The following KIAA0232 variants were observed in gnomAD, a reference collection of about 807,000 sequenced individuals.
KIAA0232 encodes the protein uncharacterized protein KIAA0232.
A neutral mutation model predicts 122.0 loss-of-function variants in KIAA0232; 27 were observed. The ratio of observed to expected loss-of-function variants is 0.22; its 90% CI spans 0.16 to 0.31. The LOEUF (loss-of-function observed/expected upper bound fraction) is 0.31, where lower values mean the gene tolerates loss of function less well. KIAA0232 is among the 10% of genes least tolerant of loss of function. KIAA0232 has a pLI of 1.00. For synonymous variants in KIAA0232, 613 were observed against 587.6 expected (o/e 1.04, Z -0.63); for missense variants, 1,551 against 1,634.2 (o/e 0.95, Z 0.88).
intron 7 of KIAA0232, 114 bp downstream of exon 7, chr4:6,864,297 G>A: frequency 8.6e-7 from 1 of 1,167,564 alleles, no homozygotes; most frequent in South Asian, 1.6e-5. Flanking sequence ...TAGCTTAAAT[G>A]TCTTAAAACT....
At chr4:6,821,678 A>T (rs546389193) in intron 2 of KIAA0232, among the ~76,000 whole-genome samples, 5 of 95,142 alleles carry the variant, frequency 5.3e-5, no homozygotes, top group African/African-American at 2.2e-4. Context: ...ACATATATAC[A>T]TGTATATATG....
At chr4:6,829,708 C>G (rs1482941176) in intron 3 of KIAA0232, among the ~76,000 whole-genome samples, 1 of 152,222 alleles carries the variant, frequency 6.6e-6, no homozygotes, top group Admixed American at 6.5e-5. Flanking sequence ...TCTTACAACA[C>G]ATTTGTTACA....
In KIAA0232 at chr4:6,840,904, T is replaced by A. The variant is rs545381706; in HGVS notation, c.232-1163T>A. Reference sequence around the variant, plus strand: ...AATATCTTGGTTCTTTTTATACTCATTTCTTTAAGCTGTGATTAACAATTC... The same window carrying A: ...AATATCTTGGTTCTTTTTATACTCAATTCTTTAAGCTGTGATTAACAATTC... On this transcript the variant is annotated intron_variant, in intron 3 of 9. Coordinates refer to ENST00000307659, the MANE Select transcript of KIAA0232 (RefSeq NM_014743.3). Among the ~76,000 whole-genome samples the A allele has an allele frequency of 6.5e-4, 99 of 152,274 alleles. 2 individuals carry two copies. In the South Asian group the frequency reaches 0.011, roughly 17 times the overall value.
chr4:6,838,948 G>A lies in KIAA0232; in HGVS notation c.232-3119G>A, dbSNP rs181858301. 5.9e-5 allele frequency among the ~76,000 whole-genome samples: 9 copies of A among 152,216 alleles called. No homozygotes were observed. In the East Asian group the frequency reaches 1.7e-3, roughly 29 times the overall value. ...GTTCAAGACCAGCCCAGCCAACATGGCAAAACCCCATCTCCACTAAAAATA... is the reference window on the plus strand; with the variant it reads ...GTTCAAGACCAGCCCAGCCAACATGACAAAACCCCATCTCCACTAAAAATA... On this transcript the variant is annotated intron_variant, in intron 3 of 9. Transcript: ENST00000307659.
chr4:6,880,522 T>G (rs549003811), intron 9 of KIAA0232, among the ~76,000 whole-genome samples: 4 of 152,266 alleles, frequency 2.6e-5, no homozygotes, highest in Non-Finnish European at 5.9e-5. Flanking sequence ...CTCAAAGACT[T>G]TGAAAATGAA....
rs1720975969 is a variant in KIAA0232, at chr4:6,863,216, A to G, written c.2834A>G (p.Glu945Gly). Reference protein sequence around the residue: ...GELKTFNSDGEWAVVPPSHTK... With the variant: ...GELKTFNSDGGWAVVPPSHTK... ...CTCAAAACCTTCAATAGTGATGGGG[A>G]GTGGGCAGTCGTACCACCTAGTCAC... is the stretch of plus-strand genomic sequence containing the variant. Residue 945 changes from glutamate (E) to glycine (G), a missense_variant, in exon 7 of 10, where the codon GAG becomes GGG. Around this residue, in one of 5 missense-constraint regions of KIAA0232, gnomAD observed 1,108 missense variants for 1,154.8 expected, o/e 0.96. Coordinates refer to ENST00000307659, the MANE Select transcript of KIAA0232 (RefSeq NM_014743.3). 1 of 1,613,912 alleles carries G rather than the reference A, an allele frequency of 6.2e-7. No homozygotes were observed. Among genetic ancestry groups the G allele is most frequent in the Non-Finnish European group, 8.5e-7 (1 of 1,180,034 alleles).
At chr4:6,802,879 TG>T (rs1288422513) in intron 1 of KIAA0232, among the ~76,000 whole-genome samples, 1 of 151,694 alleles carries the variant, frequency 6.6e-6, no homozygotes, top group East Asian at 1.9e-4. Flanking sequence ...TGCATATAGC[TG>T]GGGGCAGTGG....
intron 1 of KIAA0232, among the ~76,000 whole-genome samples, chr4:6,793,749 G>C (rs752424679): frequency 1.1e-4 from 17 of 152,188 alleles, no homozygotes; most frequent in Non-Finnish European, 2.1e-4. Context: ...GTTCTAATCT[G>C]TTAGGGCGTT....
At position 6,844,141 on chromosome 4, in the gene KIAA0232, C is replaced by T. The variant is rs550022869; in HGVS notation, c.369+1937C>T. On this transcript the variant is annotated intron_variant, in intron 4 of 9. Transcript: ENST00000307659. ...TTTTTTAGTAGTGATGGGGTATCACCGTGTTAGCCAGGATGGTCTCCATCT... is the reference window on the plus strand; with the variant it reads ...TTTTTTAGTAGTGATGGGGTATCACTGTGTTAGCCAGGATGGTCTCCATCT... 6.1e-4 allele frequency among the ~76,000 whole-genome samples: 92 copies of T among 151,582 alleles called. 1 individual carries two copies. The Middle Eastern group carries it at 0.01, about 17-fold the overall frequency.
At chr4:6,785,556 C>T (rs1371241764) in intron 1 of KIAA0232, among the ~76,000 whole-genome samples, 1 of 152,306 alleles carries the variant, frequency 6.6e-6, no homozygotes, top group East Asian at 1.9e-4. Context: ...AAAATACTCG[C>T]CTAGTGTAAG....
rs148579446 is a variant in KIAA0232, at chr4:6,857,313, A to G, written c.436+83A>G. The G allele has an allele frequency of 4.5e-4, 550 of 1,228,142 alleles. 2 individuals carry two copies. The African/African-American group carries it at 6.6e-3, about 15-fold the overall frequency. 76.1% of individuals were successfully genotyped at this position (1,228,142 alleles called of 1,614,324 possible). A position where few individuals can be genotyped will look rare whatever the true frequency, so the allele number is the denominator to read the frequency against. On this transcript the variant is annotated intron_variant, in intron 5 of 9. Coordinates refer to ENST00000307659, the MANE Select transcript of KIAA0232 (RefSeq NM_014743.3). ...ATTGGGGAAAATCTTAGAATTGATC[A>G]GAAAAGAAAACAACCAGAACAAAGT...
intron 4 of KIAA0232, among the ~76,000 whole-genome samples, chr4:6,849,580 C>A (rs990652217): frequency 1.3e-5 from 2 of 152,146 alleles, no homozygotes; most frequent in African/African-American, 4.8e-5. Context: ...CGTGCCACTG[C>A]ACTGCAGCCT....
chr4:6,840,821 A>G (rs1719613082), intron 3 of KIAA0232, among the ~76,000 whole-genome samples: 1 of 152,018 alleles, frequency 6.6e-6, no homozygotes, highest in African/African-American at 2.4e-5. Flanking sequence ...CCCAGTCATA[A>G]GCAGACTTTT....
In KIAA0232 at chr4:6,864,093, G is replaced by A; in HGVS notation, c.3711G>A (p.Glu1237=). Residue 1237 remains glutamate, a synonymous_variant, in exon 7 of 10, where the codon GAG becomes GAA. Coordinates refer to ENST00000307659, the MANE Select transcript of KIAA0232 (RefSeq NM_014743.3). ...EANCKIMAQC[E]EEINNFCGCK... ...ATTGTAAAATAATGGCACAATGCGA[G>A]GAAGAAATTAATAATTTTTGTGGTT... is the stretch of plus-strand genomic sequence containing the variant. 1 of 1,614,128 alleles carries A rather than the reference G, an allele frequency of 6.2e-7. No individual in the cohort carries two copies.
At chr4:6,789,325 G>A (rs527721309) in intron 1 of KIAA0232, among the ~76,000 whole-genome samples, 2 of 147,446 alleles carry the variant, frequency 1.4e-5, no homozygotes, top group Admixed American at 1.4e-4. Context: ...CCAGGTTGGA[G>A]TATAGTGGCG....
chr4:6,796,379 C>G lies in KIAA0232; in HGVS notation c.-353-8144C>G, dbSNP rs551887438. On this transcript the variant is annotated intron_variant, in intron 1 of 9. Coordinates refer to ENST00000307659, the MANE Select transcript of KIAA0232 (RefSeq NM_014743.3). ...GTCTCAGCCTCCCAAGTCACTGGGA[C>G]TACAGGTGTGTGCCACCACCCCTGG... is the stretch of plus-strand genomic sequence containing the variant. Among the ~76,000 whole-genome samples, 8 of 152,206 alleles carry G rather than the reference C, an allele frequency of 5.3e-5. No homozygotes were observed. The South Asian group carries it at 1.2e-3, about 24-fold the overall frequency.
At position 6,813,362 on chromosome 4, in the gene KIAA0232, T is replaced by G. The variant is rs59530492; in HGVS notation, c.-270+8756T>G. On this transcript the variant is annotated intron_variant, in intron 2 of 9. Coordinates refer to ENST00000307659, the MANE Select transcript of KIAA0232 (RefSeq NM_014743.3). ...AAGTACTTAGATCTGTTTTTTTTTTTTTGTTTTTTGTTTTTTTTGAGACGG... is the reference window on the plus strand; with the variant it reads ...AAGTACTTAGATCTGTTTTTTTTTTGTTGTTTTTTGTTTTTTTTGAGACGG... 8.1e-3 allele frequency among the ~76,000 whole-genome samples: 1,234 copies of G among 151,940 alleles called. 20 individuals are homozygous for G. The highest frequency in any genetic ancestry group is 0.028 in the African/African-American group (1,169 of 41,482).
At position 6,883,922 on chromosome 4, in the gene KIAA0232, A is replaced by G. The variant is rs894005664; in HGVS notation, c.*2956A>G. On this transcript the variant is annotated 3_prime_UTR_variant, in exon 10 of 10. Coordinates refer to ENST00000307659, the MANE Select transcript of KIAA0232 (RefSeq NM_014743.3). ...AAGAGTGTACTATACTTGTTCTTCTATAACATCAGAAATAGGTTTTTACTC... is the reference window on the plus strand; with the variant it reads ...AAGAGTGTACTATACTTGTTCTTCTGTAACATCAGAAATAGGTTTTTACTC... 4.6e-5 allele frequency: 7 copies of G among 152,202 alleles called. No individual in the cohort carries two copies. The highest frequency in any genetic ancestry group is 2.1e-4 in the South Asian group (1 of 4,834). 9.4% of individuals were successfully genotyped at this position (152,202 alleles called of 1,614,324 possible). A position where few individuals can be genotyped will look rare whatever the true frequency, so the allele number is the denominator to read the frequency against.
chr4:6,791,315 CTTTTTTTTTTTTTTTTT>C (rs10716163), intron 1 of KIAA0232, among the ~76,000 whole-genome samples: 1 of 82,672 alleles, frequency 1.2e-5, no homozygotes. Flanking sequence ...GTCATAAAGC[CTTTTTTTTTTTTTTTTT>C]TTTTTTTTTT....
Sources: allele counts gnomAD v4.1 joint callset (sites outside exome capture counted in the v4.1 genomes callset), GRCh38; gene constraint gnomAD v4.1.1; regional missense constraint gnomAD v4.1.1; transcripts MANE v1.5; gene names NCBI Gene and HGNC (gene_info 2026-07-23, HGNC 2026-07-21).